The following DNAJC19 variants were observed in gnomAD, a reference collection of about 807,000 sequenced individuals.
The protein encoded by DNAJC19 is DnaJ heat shock protein family (Hsp40) member C19, also known as mitochondrial import inner membrane translocase subunit TIM14.
In DNAJC19, 15 loss-of-function variants were observed where a neutral mutation model predicts 19.8. The observed-to-expected ratio is 0.76, with a 90% CI of 0.51 to 1.17. The LOEUF (loss-of-function observed/expected upper bound fraction) is 1.17, where lower values mean the gene tolerates loss of function less well. Ranked by LOEUF, DNAJC19 falls within the 50% of genes most tolerant of loss-of-function variation. The pLI, the probability that DNAJC19 is intolerant of heterozygous loss-of-function variation, is 0.00. For synonymous variants in DNAJC19, 38 were observed against 42.1 expected (o/e 0.90, Z 0.38); for missense variants, 105 against 140.9 (o/e 0.75, Z 1.29).
Position 180,983,713 on chromosome 3 carries a change from C to T in DNAJC19, c.*927G>A. ...TGTTAGACAAACAGTAAGTAATTTGCCTTTAAACATCATTTAAATTTATTA... is the reference window on the plus strand; with the variant it reads ...TGTTAGACAAACAGTAAGTAATTTGTCTTTAAACATCATTTAAATTTATTA... On this transcript the variant is annotated 3_prime_UTR_variant, in exon 6 of 6. Transcript: ENST00000382564. 1 of 419,098 alleles carries T rather than the reference C, an allele frequency of 2.4e-6. No homozygotes were observed. The highest frequency in any genetic ancestry group is 1.7e-5 in the South Asian group (1 of 57,188). 26.0% of individuals were successfully genotyped at this position (419,098 alleles called of 1,614,324 possible).
At position 180,984,041 on chromosome 3, in the gene DNAJC19, C is replaced by A. The variant is rs1043521824; in HGVS notation, c.*599G>T. Reference sequence around the variant, plus strand: ...TTGTACCAGACCTGTACTCTGAAATCTTTATCATACTATTTTTAATGCATG... The same window carrying A: ...TTGTACCAGACCTGTACTCTGAAATATTTATCATACTATTTTTAATGCATG... On this transcript the variant is annotated 3_prime_UTR_variant, in exon 6 of 6. Coordinates refer to ENST00000382564, the MANE Select transcript of DNAJC19 (RefSeq NM_145261.4). 9 of 453,812 alleles carry A rather than the reference C, an allele frequency of 2.0e-5. No individual in the cohort carries two copies. The highest frequency in any genetic ancestry group is 1.8e-4 in the African/African-American group (9 of 49,934). 28.1% of individuals were successfully genotyped at this position (453,812 alleles called of 1,614,324 possible). A position where few individuals can be genotyped will look rare whatever the true frequency, so the allele number is the denominator to read the frequency against.
chr3:180,988,363 T>C (rs1457959946), intron 1 of DNAJC19, 134 bp from the exon 2 acceptor site: 21 of 1,087,122 alleles, frequency 1.9e-5, no homozygotes, highest in Middle Eastern at 2.8e-4. Flanking sequence ...CTTTTTTTTT[T>C]TTTTTTTTTA....
intron 3 of DNAJC19, 196 bp downstream of exon 3, chr3:180,987,827 C>T: frequency 1.5e-6 from 1 of 665,084 alleles, no homozygotes; most frequent in Admixed American, 2.7e-5. Context: ...CCCCATCCAA[C>T]TCTGTCACAT....
chr3:180,986,768 T>C, intron 4 of DNAJC19, 175 bp downstream of exon 4: 1 of 622,660 alleles, frequency 1.6e-6, no homozygotes, highest in Non-Finnish European at 2.8e-6. Flanking sequence ...TGTTTACATC[T>C]TAAAAATAAC....
chr3:180,988,591 G>C lies in DNAJC19; in HGVS notation c.4-362C>G, dbSNP rs1805639. On this transcript the variant is annotated intron_variant, in intron 1 of 5. Coordinates refer to ENST00000382564, the MANE Select transcript of DNAJC19 (RefSeq NM_145261.4). ...TAAAGTTACAGGATTCATCATATGGGAAAGAGGGCAAGTTCGACTTGCTTA... is the reference window on the plus strand; with the variant it reads ...TAAAGTTACAGGATTCATCATATGGCAAAGAGGGCAAGTTCGACTTGCTTA... Among the ~76,000 whole-genome samples the C allele has an allele frequency of 1.3e-4, 20 of 152,098 alleles. No homozygotes were observed. The East Asian group carries it at 3.9e-3, about 29-fold the overall frequency.
At chr3:180,985,598 C>T in intron 5 of DNAJC19, 1 of 276,690 alleles carries the variant, frequency 3.6e-6, no homozygotes, top group Non-Finnish European at 7.0e-6. Flanking sequence ...AAGTTTCTAT[C>T]TAGGTAATCT....
Position 180,989,674 on chromosome 3 carries a change from T to A in DNAJC19, c.-72A>T. The A allele has an allele frequency of 6.4e-7, 1 of 1,558,858 alleles. No individual in the cohort carries two copies. The highest frequency in any genetic ancestry group is 8.7e-7 in the Non-Finnish European group (1 of 1,152,088). On this transcript the variant is annotated 5_prime_UTR_variant, in exon 1 of 6. Transcript: ENST00000382564. ...CAGCTCAGAGGCCGCGGCCAACACC[T>A]GCACGCCTTTACCAGAGAGCGACGC... is the stretch of plus-strand genomic sequence containing the variant.
At position 180,989,012 on chromosome 3, in the gene DNAJC19, A is replaced by C. The variant is rs1027722919; in HGVS notation, c.3+588T>G. Among the ~76,000 whole-genome samples the C allele has an allele frequency of 4.4e-3, 667 of 151,902 alleles. 4 individuals carry two copies. The highest frequency in any genetic ancestry group is 0.015 in the African/African-American group (640 of 41,416). On this transcript the variant is annotated intron_variant, in intron 1 of 5. Transcript: ENST00000382564. Reference sequence around the variant, plus strand: ...GACCGAGCAAGACTCTGTCTCAAAAAAAAAAAAAAAAATGTGGAAATAAGG... The same window carrying C: ...GACCGAGCAAGACTCTGTCTCAAAACAAAAAAAAAAAATGTGGAAATAAGG...
Position 180,984,572 on chromosome 3 carries a change from TTTA to T in DNAJC19, c.*65_*67del. On this transcript the variant is annotated 3_prime_UTR_variant, in exon 6 of 6. Transcript: ENST00000382564. ...TTTTAAAATTGTAGCTCTGAGGCAT[TTTA>T]TTATAAAAACTTAGTACTCATATAC... 9.1e-7 allele frequency: 1 copy of T among 1,101,088 alleles called. No homozygotes were observed. The highest frequency in any genetic ancestry group is 1.3e-6 in the Non-Finnish European group (1 of 745,680). The allele number at this position is 1,101,088 out of a possible 1,614,324, so 68.2% of individuals were successfully genotyped here. A position where few individuals can be genotyped will look rare whatever the true frequency, so the allele number is the denominator to read the frequency against.
chr3:180,983,730 A>T lies in DNAJC19; in HGVS notation c.*910T>A, dbSNP rs1232720404. 2.3e-6 allele frequency: 1 copy of T among 429,772 alleles called. No homozygotes were observed. The highest frequency in any genetic ancestry group is 2.7e-5 in the Admixed American group (1 of 37,696). 26.6% of individuals were successfully genotyped at this position (429,772 alleles called of 1,614,324 possible). On this transcript the variant is annotated 3_prime_UTR_variant, in exon 6 of 6. Coordinates refer to ENST00000382564, the MANE Select transcript of DNAJC19 (RefSeq NM_145261.4). ...GTAATTTGCCTTTAAACATCATTTA[A>T]ATTTATTAGTGTATAAATTCTAAAG...
intron 4 of DNAJC19, 92 bp downstream of exon 4, chr3:180,986,851 C>A (rs1247740680): frequency 1.9e-6 from 2 of 1,033,936 alleles, no homozygotes; most frequent in African/African-American, 1.6e-5. Context: ...CCCCCATGAC[C>A]CTCTCCTATT....
Position 180,986,956 on chromosome 3 carries a change from T to G in DNAJC19, c.196A>C (p.Ile66Leu), listed in dbSNP as rs1252549913. ...AGATTATTTTACCTTACACCTAGTA[T>G]TAATGCTGCTTCCCGTTTTGTCATT... ...PKMTKREAALILGVSPTANKG... is the reference protein window; with the variant it reads ...PKMTKREAALLLGVSPTANKG... The change falls in exon 4 of 6, where the codon ATA becomes CTA. Residue 66 changes from isoleucine (I) to leucine (L), a missense_variant. Coordinates refer to ENST00000382564, the MANE Select transcript of DNAJC19 (RefSeq NM_145261.4). The G allele has an allele frequency of 6.2e-7, 1 of 1,613,726 alleles. No individual in the cohort carries two copies. Among genetic ancestry groups the G allele is most frequent in the Admixed American group, 1.7e-5 (1 of 60,028 alleles).
In DNAJC19 at chr3:180,984,721, A is replaced by G. The variant is rs754864030; in HGVS notation, c.281-11T>C. On this transcript the variant is annotated splice_polypyrimidine_tract_variant and intron_variant, in intron 5 of 5. Transcript: ENST00000382564. ...TATAAGGAGATCCTCCTATAGGAAG[A>G]AAGAAAAAAGAACAGTTACAATATG... 5 of 1,579,256 alleles carry G rather than the reference A, an allele frequency of 3.2e-6. No individual in the cohort carries two copies. The highest frequency in any genetic ancestry group is 4.3e-6 in the Non-Finnish European group (5 of 1,153,234).
At chr3:180,984,786 C>T in intron 5 of DNAJC19, 76 bp from the exon 6 acceptor site, 1 of 1,057,534 alleles carries the variant, frequency 9.5e-7, no homozygotes, top group Non-Finnish European at 1.4e-6. Context: ...ACTCTTGTTT[C>T]AAGGACTCCA....
upstream of DNAJC19, chr3:180,989,818 C>G (rs1560041452): frequency 1.3e-6 from 1 of 798,586 alleles, no homozygotes; most frequent in South Asian, 1.5e-5. Flanking sequence ...AAGCAGTGGA[C>G]AGAGCGGAGA....
At chr3:180,987,920 C>CA in intron 3 of DNAJC19, 103 bp downstream of exon 3, 1 of 1,403,360 alleles carries the variant, frequency 7.1e-7, no homozygotes, top group South Asian at 1.2e-5. Context: ...AGAATGGGTC[C>CA]AAAGCAATCA....
intron 1 of DNAJC19, among the ~76,000 whole-genome samples, chr3:180,988,903 G>C (rs1017875759): frequency 6.6e-5 from 10 of 151,770 alleles, no homozygotes; most frequent in African/African-American, 2.4e-4. Context: ...CCAGCTACTT[G>C]GGAGGCTGAG....
At chr3:180,989,831 G>A (rs1400210466), upstream of DNAJC19, 8 of 745,782 alleles carry the variant, frequency 1.1e-5, no homozygotes, top group Non-Finnish European at 1.9e-5. Flanking sequence ...AGCGGAGAAA[G>A]CGACTTCGGG....
In DNAJC19 at chr3:180,984,706, T is replaced by C. The variant is rs17850540; in HGVS notation, c.285A>G (p.Gly95=). The change falls in exon 6 of 6, where the codon GGA becomes GGG. Residue 95 remains glycine, a synonymous_variant. Coordinates refer to ENST00000382564, the MANE Select transcript of DNAJC19 (RefSeq NM_145261.4). ...IMLLNHPDKG[G]SPYIAAKINE... ...TGATTTTGGCTGCTATATAAGGAGATCCTCCTATAGGAAGAAAGAAAAAAG... is the reference window on the plus strand; with the variant it reads ...TGATTTTGGCTGCTATATAAGGAGACCCTCCTATAGGAAGAAAGAAAAAAG... The C allele has an allele frequency of 1.9e-6, 3 of 1,604,608 alleles. No individual in the cohort carries two copies. Among genetic ancestry groups the C allele is most frequent in the Non-Finnish European group, 2.6e-6 (3 of 1,173,472 alleles).
Sources: allele counts gnomAD v4.1 joint callset (sites outside exome capture counted in the v4.1 genomes callset), GRCh38; gene constraint gnomAD v4.1.1; transcripts MANE v1.5; gene names NCBI Gene and HGNC (gene_info 2026-07-23, HGNC 2026-07-21).